ITGB3: variants seen among roughly 807,000 people sequenced by gnomAD.
ITGB3 encodes integrin beta-3.
A neutral mutation model predicts 85.8 loss-of-function variants in ITGB3; 48 were observed. The ratio of observed to expected loss-of-function variants is 0.56; its 90% CI spans 0.44 to 0.71. The LOEUF (loss-of-function observed/expected upper bound fraction) is 0.71, where lower values mean the gene tolerates loss of function less well. Among genes scored for constraint, ITGB3 ranks in the 30% least tolerant of loss-of-function variants. The pLI is 0.00. For synonymous variants in ITGB3, 363 were observed against 395.6 expected (o/e 0.92, Z 0.98); for missense variants, 861 against 1,019.1 (o/e 0.84, Z 2.11).
intron 4 of ITGB3, 34 bp from the exon 5 acceptor site, chr17:47,286,226 G>T (rs2065101936): frequency 4.3e-6 from 7 of 1,612,966 alleles, no homozygotes; most frequent in Non-Finnish European, 5.9e-6. Flanking sequence ...TTCCATGAAG[G>T]TGTCTGCTTA....
At position 47,253,850 on chromosome 17, in the gene ITGB3, G is replaced by A. The variant is rs1367443792; in HGVS notation, c.-12G>A. 1.9e-5 allele frequency: 23 copies of A among 1,213,716 alleles called. 1 individual carries two copies. The South Asian group carries it at 6.1e-4, about 32-fold the overall frequency. 75.2% of individuals were successfully genotyped at this position (1,213,716 alleles called of 1,614,324 possible). ...CTGTGGGGCGGGCGGAGCGCCGCGGGAGGCGGACGAGATGCGAGCGCGGCC... is the reference window on the plus strand; with the variant it reads ...CTGTGGGGCGGGCGGAGCGCCGCGGAAGGCGGACGAGATGCGAGCGCGGCC... On this transcript the variant is annotated 5_prime_UTR_variant, in exon 1 of 15. Transcript: ENST00000559488.
At chr17:47,255,966 T>TA (rs71138599) in intron 1 of ITGB3, among the ~76,000 whole-genome samples, 33,240 of 141,346 alleles carry the variant, frequency 0.24, 3,885 homozygotes, top group East Asian at 0.49. Context: ...GGCAACTCAG[T>TA]AAAAATAAAT....
rs145396998 is a variant in ITGB3, at chr17:47,254,968, A to ATTATTTATTTAT, written c.79+1043_79+1054dup. The stretch of plus-strand genomic sequence containing the variant: ...CAGAAGGGATTTGTTATTTTATTTT[A>ATTATTTATTTAT]TTATTTATTTATTTATTTATTTATT... On this transcript the variant is annotated intron_variant, in intron 1 of 14. Coordinates refer to ENST00000559488, the MANE Select transcript of ITGB3 (RefSeq NM_000212.3). Among the ~76,000 whole-genome samples, 81 of 151,388 alleles carry ATTATTTATTTAT rather than the reference A, an allele frequency of 5.4e-4. 1 individual carries two copies. The highest frequency in any genetic ancestry group is 1.9e-3 in the African/African-American group (77 of 41,224).
chr17:47,281,341 C>T (rs1286685652), intron 2 of ITGB3, among the ~76,000 whole-genome samples: 1 of 152,132 alleles, frequency 6.6e-6, no homozygotes, highest in Admixed American at 6.6e-5. Flanking sequence ...CTGGCTGGTC[C>T]CCTCAACTTG....
In ITGB3 at chr17:47,312,939, GTTCTTTACTTCTC is replaced by G. The variant is rs2065221397; in HGVS notation, c.*2737_*2749del. ...TGACAAGTTGCCATATTAGGAGTCA[GTTCTTTACTTCTC>G]TGAGATTCCCAGGTCATCCATGATT... is the stretch of plus-strand genomic sequence containing the variant. On this transcript the variant is annotated 3_prime_UTR_variant, in exon 15 of 15. Transcript: ENST00000559488. Among the ~76,000 whole-genome samples the G allele has an allele frequency of 6.6e-6, 1 of 152,122 alleles. No homozygotes were observed. The highest frequency in any genetic ancestry group is 1.5e-5 in the Non-Finnish European group (1 of 68,014).
At position 47,290,171 on chromosome 17, in the gene ITGB3, G is replaced by A. The variant is rs762858533; in HGVS notation, c.1036-14G>A. ...CCTTTGGTAAGCTCTGGACATCTTT[G>A]TTTTCCTTTCTAGAACTATAGTGAG... On this transcript the variant is annotated splice_polypyrimidine_tract_variant and intron_variant, in intron 7 of 14. Transcript: ENST00000559488. The A allele has an allele frequency of 1.2e-6, 2 of 1,609,522 alleles. No homozygotes were observed. The highest frequency in any genetic ancestry group is 1.7e-6 in the Non-Finnish European group (2 of 1,175,870).
At chr17:47,257,861 G>A (rs1413221239) in intron 1 of ITGB3, among the ~76,000 whole-genome samples, 3 of 152,166 alleles carry the variant, frequency 2.0e-5, no homozygotes, top group African/African-American at 7.2e-5. Context: ...GCAAGGGTGA[G>A]GAGTGACAGA....
At position 47,292,337 on chromosome 17, in the gene ITGB3, C is replaced by A. The variant is rs369140365; in HGVS notation, c.1459C>A (p.Arg487Ser). The change falls in exon 10 of 15, where the codon CGT becomes AGT. Residue 487 changes from arginine (R) to serine (S), a missense_variant. Physicochemically the swap from Arg to Ser is moderately radical, Grantham distance 110. Coordinates refer to ENST00000559488, the MANE Select transcript of ITGB3 (RefSeq NM_000212.3). ...GNGTFECGVC[R>S]CGPGWLGSQC... ...TGGGACCTTTGAGTGTGGGGTATGC[C>A]GTTGTGGGCCTGGCTGGCTGGGATC... The A allele has an allele frequency of 2.5e-6, 4 of 1,614,168 alleles. No individual in the cohort carries two copies. In the South Asian group the frequency reaches 3.3e-5, roughly 13 times the overall value.
Position 47,300,533 on chromosome 17 carries a change from T to C in ITGB3, c.1969T>C (p.Cys657Arg). The change falls in exon 12 of 15, where the codon TGC (cysteine) becomes CGC (arginine). Residue 657 changes from cysteine to arginine, a missense_variant. Transcript: ENST00000559488. ...DRGALHDENT[C>R]NRYCRDEIES... is the part of the protein sequence containing the mutation. The stretch of plus-strand genomic sequence containing the variant: ...GGGAGCCCTACATGACGAAAATACC[T>C]GCAACCGTTACTGCCGTGACGAGAT... 1 of 1,614,136 alleles carries C rather than the reference T, an allele frequency of 6.2e-7. No homozygotes were observed. Among genetic ancestry groups the C allele is most frequent in the South Asian group, 1.1e-5 (1 of 91,086 alleles).
intron 1 of ITGB3, among the ~76,000 whole-genome samples, chr17:47,257,886 A>G (rs1295336750): frequency 6.6e-6 from 1 of 152,098 alleles, no homozygotes; most frequent in East Asian, 1.9e-4. Context: ...TCCTGGGAAG[A>G]CCATAAGATG....
chr17:47,261,413 T>C (rs1221891589), intron 1 of ITGB3, among the ~76,000 whole-genome samples: 1 of 151,972 alleles, frequency 6.6e-6, no homozygotes, highest in African/African-American at 2.4e-5. Flanking sequence ...AGATAACCAC[T>C]GTTGATAGTT....
In ITGB3 at chr17:47,294,254, C is replaced by T. The variant is rs572507508; in HGVS notation, c.1690+1686C>T. Among the ~76,000 whole-genome samples, 38 of 152,242 alleles carry T rather than the reference C, an allele frequency of 2.5e-4. No homozygotes were observed. The South Asian group carries it at 2.7e-3, about 11-fold the overall frequency. ...AGTATTTATATCTAATTCAAAGTAC[C>T]AAAGGAAATGGGTAAATTTGAAGTG... On this transcript the variant is annotated intron_variant, in intron 10 of 14. Transcript: ENST00000559488.
chr17:47,297,897 A>AAG (rs2065151663), intron 10 of ITGB3, among the ~76,000 whole-genome samples: 3 of 150,796 alleles, frequency 2.0e-5, no homozygotes, highest in African/African-American at 7.3e-5. Context: ...AAAAAAAAAA[A>AAG]GCAAATAAAT....
chr17:47,302,504 G>T (rs1427372617), intron 12 of ITGB3, among the ~76,000 whole-genome samples: 1 of 152,206 alleles, frequency 6.6e-6, no homozygotes, highest in East Asian at 1.9e-4. Context: ...GAAGGATTAG[G>T]AACCAAAAAG....
At chr17:47,308,703 T>A (rs1463063794) in intron 14 of ITGB3, among the ~76,000 whole-genome samples, 1 of 152,120 alleles carries the variant, frequency 6.6e-6, no homozygotes, top group Non-Finnish European at 1.5e-5. Flanking sequence ...GGTTTCACCA[T>A]GTTGGCCAGG....
chr17:47,254,215 A>C (rs913797094), intron 1 of ITGB3, among the ~76,000 whole-genome samples: 1 of 151,942 alleles, frequency 6.6e-6, no homozygotes, highest in African/African-American at 2.4e-5. Context: ...CGCGGCGCGC[A>C]CGGTGCGGTG....
chr17:47,306,712 G>T (rs2065189385), intron 13 of ITGB3, among the ~76,000 whole-genome samples: 2 of 151,750 alleles, frequency 1.3e-5, no homozygotes, highest in East Asian at 1.9e-4. Flanking sequence ...ATGGAGTTTT[G>T]CTCTGTTACC....
In ITGB3 at chr17:47,312,824, G is replaced by A. The variant is rs2065220868; in HGVS notation, c.*2620G>A. On this transcript the variant is annotated 3_prime_UTR_variant, in exon 15 of 15. Transcript: ENST00000559488. ...ACAGTGTTCTGGCATCAGATAACAC[G>A]GCACAAAGGGATTGTGTCTAGCTCT... is the stretch of plus-strand genomic sequence containing the variant. 6.6e-6 allele frequency among the ~76,000 whole-genome samples: 1 copy of A among 152,180 alleles called. No individual in the cohort carries two copies. Among genetic ancestry groups the A allele is most frequent in the Non-Finnish European group, 1.5e-5 (1 of 68,036 alleles).
At chr17:47,286,920 C>T in intron 5 of ITGB3, 150 bp from the exon 6 acceptor site, 1 of 717,912 alleles carries the variant, frequency 1.4e-6, no homozygotes, top group Non-Finnish European at 2.3e-6. Flanking sequence ...AGCTTCGGTT[C>T]CAAGGACTGG....
Sources: allele counts gnomAD v4.1 joint callset (sites outside exome capture counted in the v4.1 genomes callset), GRCh38; gene constraint gnomAD v4.1.1; transcripts MANE v1.5; gene names NCBI Gene and HGNC (gene_info 2026-07-23, HGNC 2026-07-21).